The following KRT80 variants were observed in gnomAD, a reference collection of about 807,000 sequenced individuals.
The protein encoded by KRT80 is keratin, type II cytoskeletal 80.
Under a neutral mutation model 51.5 loss-of-function variants are expected in KRT80, and 36 were observed. The ratio of observed to expected loss-of-function variants is 0.70; its 90% CI spans 0.54 to 0.92. The LOEUF is 0.92. Ranked by LOEUF, KRT80 falls within the 40% of genes least tolerant of loss-of-function variation. The pLI is 0.00. For missense variants in KRT80, 566 were observed against 591.7 expected, an observed-to-expected ratio of 0.96 and a Z score of 0.45; for synonymous variants, 235 against 248.3, an observed-to-expected ratio of 0.95 and a Z score of 0.50.
chr12:52,173,905 C>T (rs145995430), intron 4 of KRT80, 141 bp from the exon 5 acceptor site: 35 of 840,786 alleles, frequency 4.2e-5, no homozygotes, highest in African/African-American at 3.9e-4. Context: ...GATGGAAGGC[C>T]GAATGCCTCC....
chr12:52,172,667 G>A (rs1941130565), intron 6 of KRT80, among the ~76,000 whole-genome samples: 1 of 152,172 alleles, frequency 6.6e-6, no homozygotes, highest in East Asian at 1.9e-4. Flanking sequence ...CTGTCCTTAT[G>A]GGGCAGCACC....
At chr12:52,176,835 CT>C (rs1188289066) in intron 4 of KRT80, among the ~76,000 whole-genome samples, 3 of 152,204 alleles carry the variant, frequency 2.0e-5, no homozygotes, top group Admixed American at 2.0e-4. Context: ...GTGTCTAAGC[CT>C]TGGTTTTCTC....
intron 6 of KRT80, 86 bp from the exon 7 acceptor site, chr12:52,172,504 G>A: frequency 7.9e-7 from 1 of 1,262,590 alleles, no homozygotes; most frequent in Non-Finnish European, 1.1e-6. Context: ...TGTCCTTGGT[G>A]GGGGTAGGTG....
rs149914047 is a variant in KRT80, at chr12:52,183,746, G to T, written c.509+1633C>A. Among the ~76,000 whole-genome samples the T allele has an allele frequency of 5.9e-3, 898 of 152,392 alleles. 7 individuals carry two copies. The highest frequency in any genetic ancestry group is 8.7e-3 in the Non-Finnish European group (595 of 68,036). On this transcript the variant is annotated intron_variant, in intron 2 of 8. Transcript: ENST00000394815. ...CCATGGACGTGATCTGGCGGAGCTC[G>T]TGGGAGCAGCCTTACCCAGTGGCTG...
At chr12:52,180,693 G>A (rs1402384167) in intron 3 of KRT80, 85 bp from the exon 4 acceptor site, 1 of 1,590,630 alleles carries the variant, frequency 6.3e-7, no homozygotes, top group Non-Finnish European at 8.6e-7. Flanking sequence ...CCTCCTGGGT[G>A]AGAGTGGGGG....
rs1941047470 is a variant in KRT80 at position 52,169,405 on chromosome 12, A to G, written c.*1993T>C. 6.6e-6 allele frequency: 1 copy of G among 152,542 alleles called. No individual in the cohort carries two copies. The highest frequency in any genetic ancestry group is 2.4e-5 in the African/African-American group (1 of 41,466). The allele number at this position is 152,542 out of a possible 1,614,324, so 9.4% of individuals were successfully genotyped here. A position where few individuals can be genotyped will look rare whatever the true frequency, so the allele number is the denominator to read the frequency against. On this transcript the variant is annotated 3_prime_UTR_variant, in exon 9 of 9. Coordinates refer to ENST00000394815, the MANE Select transcript of KRT80 (RefSeq NM_182507.3). ...GTACCAGCTGCACTGGTCTGAAGAT[A>G]TAACTAAGTCCCTGGACTTTTTCTC...
chr12:52,185,693 G>A (rs1941395230), intron 1 of KRT80, 106 bp from the exon 2 acceptor site: 2 of 1,535,204 alleles, frequency 1.3e-6, no homozygotes, highest in East Asian at 2.4e-5. Context: ...GGAAGTGGCA[G>A]CTCATTTATG....
rs1270905458 is a variant in KRT80 at position 52,169,185 on chromosome 12, A to G, written c.*2213T>C. 6.6e-6 allele frequency: 1 copy of G among 152,126 alleles called. No homozygotes were observed. The highest frequency in any genetic ancestry group is 2.4e-5 in the African/African-American group (1 of 41,418). The allele number at this position is 152,126 out of a possible 1,614,324, so 9.4% of individuals were successfully genotyped here. ...GTCTCAGACTCTTTTAAACAACCAT[A>G]TCTATGTGAATTGAGTGAGAACTCA... On this transcript the variant is annotated 3_prime_UTR_variant, in exon 9 of 9. Coordinates refer to ENST00000394815, the MANE Select transcript of KRT80 (RefSeq NM_182507.3).
At chr12:52,176,436 C>A (rs532895622) in intron 4 of KRT80, among the ~76,000 whole-genome samples, 2 of 151,652 alleles carry the variant, frequency 1.3e-5, no homozygotes, top group African/African-American at 4.8e-5. Context: ...TAAAATATAG[C>A]GCTAATGGCT....
chr12:52,171,366 G>A lies in KRT80; in HGVS notation c.*32C>T, dbSNP rs1459974860. 1 of 1,544,402 alleles carries A rather than the reference G, an allele frequency of 6.5e-7. No individual in the cohort carries two copies. Among genetic ancestry groups the A allele is most frequent in the Non-Finnish European group, 8.7e-7 (1 of 1,146,158 alleles). On this transcript the variant is annotated 3_prime_UTR_variant, in exon 9 of 9. Transcript: ENST00000394815. Reference sequence around the variant, plus strand: ...AGCTTAAGTCCCTCCTGCTGCAGTGGAGTGCCCTGGGGTTCCTGGGGTCCA... The same window carrying A: ...AGCTTAAGTCCCTCCTGCTGCAGTGAAGTGCCCTGGGGTTCCTGGGGTCCA...
intron 5 of KRT80, 54 bp downstream of exon 5, chr12:52,173,546 G>T (rs1465592241): frequency 1.9e-6 from 3 of 1,574,582 alleles, no homozygotes; most frequent in Non-Finnish European, 2.6e-6. Context: ...AGCCCTTCCT[G>T]CCACCCAGAG....
intron 6 of KRT80, 57 bp from the exon 7 acceptor site, chr12:52,172,475 C>A: frequency 6.6e-7 from 1 of 1,519,120 alleles, no homozygotes; most frequent in Non-Finnish European, 9.0e-7. Context: ...AGGAGCGGGC[C>A]AGGGCCAGGA....
Position 52,191,995 on chromosome 12 carries a change from G to A in KRT80, c.-93C>T, listed in dbSNP as rs1565701727. ...GCAGGCTCTGGTTGCTCTGGTCACAGCTGGGGCGGGCTGGGGACTGAGGAG... is the reference window on the plus strand; with the variant it reads ...GCAGGCTCTGGTTGCTCTGGTCACAACTGGGGCGGGCTGGGGACTGAGGAG... On this transcript the variant is annotated 5_prime_UTR_variant, in exon 1 of 9. Transcript: ENST00000394815. 6.2e-6 allele frequency: 7 copies of A among 1,132,674 alleles called. No individual in the cohort carries two copies. The South Asian group carries it at 1.2e-4, about 19-fold the overall frequency. 70.2% of individuals were successfully genotyped at this position (1,132,674 alleles called of 1,614,324 possible). A position where few individuals can be genotyped will look rare whatever the true frequency, so the allele number is the denominator to read the frequency against.
chr12:52,191,796 G>A lies in KRT80; in HGVS notation c.107C>T (p.Ala36Val), dbSNP rs760479447. The change falls in exon 1 of 9, where the codon GCC (alanine) becomes GTC (valine). Residue 36 changes from alanine to valine, a missense_variant. Coordinates refer to ENST00000394815, the MANE Select transcript of KRT80 (RefSeq NM_182507.3). ...GCGGGAGCTGAAGCCCGGCCCGGGG[G>A]CCCTGCAGCTGTCCCATCCTGAGGT... ...PGTSGWDSCR[A>V]PGPGFSSRSL... is the part of the protein sequence containing the mutation. 17 of 1,609,032 alleles carry A rather than the reference G, an allele frequency of 1.1e-5. No individual in the cohort carries two copies. In the African/African-American group the frequency reaches 1.9e-4, roughly 18 times the overall value.
At chr12:52,172,453 A>G (rs1160423557) in intron 6 of KRT80, 35 bp from the exon 7 acceptor site, 1 of 1,581,780 alleles carries the variant, frequency 6.3e-7, no homozygotes, top group Non-Finnish European at 8.6e-7. Context: ...AGGGCCTGTG[A>G]GCAGGGGAAG....
intron 4 of KRT80, among the ~76,000 whole-genome samples, chr12:52,178,798 T>TA (rs1156992101): frequency 1.3e-5 from 2 of 152,052 alleles, no homozygotes; most frequent in African/African-American, 4.8e-5. Context: ...CTGGTCCTGT[T>TA]ACTCTCTCCA....
intron 2 of KRT80, among the ~76,000 whole-genome samples, chr12:52,182,129 G>A (rs1360135530): frequency 6.6e-6 from 1 of 152,196 alleles, no homozygotes; most frequent in Non-Finnish European, 1.5e-5. Context: ...CCTGGCCACT[G>A]CCTTGGCTGC....
intron 2 of KRT80, among the ~76,000 whole-genome samples, chr12:52,181,996 C>T (rs1195555095): frequency 6.6e-6 from 1 of 152,208 alleles, no homozygotes; most frequent in Non-Finnish European, 1.5e-5. Flanking sequence ...ATTGAGCTGG[C>T]TATATCTGGC....
Position 52,172,284 on chromosome 12 carries a change from G to A in KRT80, c.1092C>T (p.Arg364=). ...TGACGTTCATCAGCTCCTGGTACTTGCGCAGCTGCCGCGCCATGTCCTGCT... is the reference window on the plus strand; with the variant it reads ...TGACGTTCATCAGCTCCTGGTACTTACGCAGCTGCCGCGCCATGTCCTGCT... ...QAKQDMARQL[R]KYQELMNVKL... is the part of the protein sequence containing the mutation. Residue 364 remains arginine (R), a synonymous_variant, in exon 7 of 9, where the codon CGC becomes CGT. Coordinates refer to ENST00000394815, the MANE Select transcript of KRT80 (RefSeq NM_182507.3). The A allele has an allele frequency of 1.9e-6, 3 of 1,613,960 alleles. No individual in the cohort carries two copies. Among genetic ancestry groups the A allele is most frequent in the Non-Finnish European group, 1.7e-6 (2 of 1,179,876 alleles).
Sources: allele counts gnomAD v4.1 joint callset (sites outside exome capture counted in the v4.1 genomes callset), GRCh38; gene constraint gnomAD v4.1.1; transcripts MANE v1.5; gene names NCBI Gene and HGNC (gene_info 2026-07-23, HGNC 2026-07-21).